The following NOCT variants were observed in gnomAD, a reference collection of about 807,000 sequenced individuals.
NOCT encodes nocturnin.
NOCT carries 18 observed loss-of-function variants against 35.0 expected under a neutral mutation model. That is an observed-to-expected ratio of 0.51 (90% CI 0.36 to 0.76). The LOEUF is 0.76. Among genes scored for constraint, NOCT ranks in the 30% least tolerant of loss-of-function variants. The probability of loss-of-function intolerance (pLI) is 0.01; values close to 1 mark genes in which losing one functional copy is unlikely to be tolerated. For missense variants in NOCT, 479 were observed against 541.0 expected, an observed-to-expected ratio of 0.89 and a Z score of 1.14; for synonymous variants, 235 against 226.3, an observed-to-expected ratio of 1.04 and a Z score of -0.34.
rs1017077705 is a variant in NOCT at position 139,033,523 on chromosome 4, T to C, written c.191-9551T>C. 2.0e-5 allele frequency among the ~76,000 whole-genome samples: 3 copies of C among 151,810 alleles called. No individual in the cohort carries two copies. In the East Asian group the frequency reaches 5.8e-4, roughly 30 times the overall value. On this transcript the variant is annotated intron_variant, in intron 1 of 2. Coordinates refer to ENST00000280614, the MANE Select transcript of NOCT (RefSeq NM_012118.4). The stretch of plus-strand genomic sequence containing the variant: ...CTGTCTCTACAAAAAAAAAATTCTT[T>C]TAATTAGCCAGGGTGGTGGCATATT...
intron 1 of NOCT, among the ~76,000 whole-genome samples, chr4:139,036,644 G>A (rs1726743517): frequency 6.6e-6 from 1 of 152,128 alleles, no homozygotes; most frequent in Non-Finnish European, 1.5e-5. Context: ...GAATTCATGA[G>A]TATTAATCTT....
intron 1 of NOCT, among the ~76,000 whole-genome samples, chr4:139,019,332 G>T (rs571677996): frequency 4.3e-4 from 65 of 152,328 alleles, no homozygotes; most frequent in African/African-American, 1.6e-3. Context: ...GGGATTACAG[G>T]TGTGAGCCAC....
chr4:139,019,031 T>C (rs1726364058), intron 1 of NOCT, among the ~76,000 whole-genome samples: 1 of 152,194 alleles, frequency 6.6e-6, no homozygotes, highest in South Asian at 2.1e-4. Flanking sequence ...GACCCAGCAC[T>C]AAGTGCTTTT....
intron 1 of NOCT, among the ~76,000 whole-genome samples, chr4:139,016,933 G>A (rs11939912): frequency 0.29 from 43,259 of 149,216 alleles, 6,405 homozygotes; most frequent in Middle Eastern, 0.38. Flanking sequence ...GATCACAGGC[G>A]TGAGCCACCG....
intron 1 of NOCT, among the ~76,000 whole-genome samples, chr4:139,027,901 A>G (rs1726553637): frequency 6.6e-6 from 1 of 152,140 alleles, no homozygotes; most frequent in Non-Finnish European, 1.5e-5. Flanking sequence ...AAAATATAAA[A>G]GCCTTTCTTA....
intron 1 of NOCT, among the ~76,000 whole-genome samples, chr4:139,025,753 G>A (rs1219342231): frequency 2.0e-5 from 3 of 150,716 alleles, no homozygotes; most frequent in Non-Finnish European, 2.9e-5. Flanking sequence ...TCAGTGAGCC[G>A]AGATGGCGCC....
intron 1 of NOCT, chr4:139,028,093 G>C (rs1464817096): frequency 6.6e-6 from 1 of 152,182 alleles, no homozygotes; most frequent in Non-Finnish European, 1.5e-5. Flanking sequence ...AGTGATGGGA[G>C]ATCACCAGAT....
At position 139,016,016 on chromosome 4, in the gene NOCT, T is replaced by C. The variant is rs1468506111; in HGVS notation, c.35T>C (p.Leu12Pro). The C allele has an allele frequency of 3.6e-6, 5 of 1,397,412 alleles. No individual in the cohort carries two copies. The highest frequency in any genetic ancestry group is 4.6e-6 in the Non-Finnish European group (5 of 1,077,146). The allele number at this position is 1,397,412 out of a possible 1,614,324, so 86.6% of individuals were successfully genotyped here. A position where few individuals can be genotyped will look rare whatever the true frequency, so the allele number is the denominator to read the frequency against. ...FHSPRRLCSA[L>P]LQRDAPGLRR... The stretch of plus-strand genomic sequence containing the variant: ...AGTCCGCGGCGGCTCTGCTCGGCCC[T>C]GCTGCAGAGGGACGCGCCCGGCCTG... Residue 12 changes from leucine (L) to proline (P), a missense_variant, in exon 1 of 3, where the codon CTG becomes CCG. Leu to Pro is a moderately conservative substitution (Grantham distance 98). Transcript: ENST00000280614.
At chr4:139,031,710 G>GGTTTT (rs1040670434) in intron 1 of NOCT, among the ~76,000 whole-genome samples, 4 of 151,870 alleles carry the variant, frequency 2.6e-5, no homozygotes, top group African/African-American at 4.8e-5. Context: ...CCCACTTGTG[G>GGTTTT]GTTTTGTTTT....
intron 1 of NOCT, among the ~76,000 whole-genome samples, chr4:139,034,947 A>G (rs1578630609): frequency 6.6e-6 from 1 of 151,950 alleles, no homozygotes; most frequent in Admixed American, 6.6e-5. Context: ...CTTTCTCTCT[A>G]ACTCAATTCA....
At chr4:139,037,071 G>C (rs553838365) in intron 1 of NOCT, among the ~76,000 whole-genome samples, 9 of 152,202 alleles carry the variant, frequency 5.9e-5, no homozygotes, top group Non-Finnish European at 1.2e-4. Context: ...GTATTAGAGG[G>C]CTTGTCCTAT....
chr4:139,028,740 G>A (rs1726571474), intron 1 of NOCT, among the ~76,000 whole-genome samples: 1 of 152,314 alleles, frequency 6.6e-6, no homozygotes, highest in Non-Finnish European at 1.5e-5. Flanking sequence ...AGAGAAAGCT[G>A]TGCAGATACC....
chr4:139,037,796 G>A (rs1278999184), intron 1 of NOCT, among the ~76,000 whole-genome samples: 2 of 152,136 alleles, frequency 1.3e-5, no homozygotes, highest in African/African-American at 2.4e-5. Context: ...GCTGAGGTGG[G>A]AGGATGGCTT....
intron 1 of NOCT, among the ~76,000 whole-genome samples, chr4:139,023,814 A>T (rs139923740): frequency 6.6e-6 from 1 of 152,122 alleles, no homozygotes; most frequent in Non-Finnish European, 1.5e-5. Flanking sequence ...TTTAAAGACC[A>T]TTGTGAGTAT....
At chr4:139,016,391 G>A (rs1031448992) in intron 1 of NOCT, among the ~76,000 whole-genome samples, 7 of 152,116 alleles carry the variant, frequency 4.6e-5, no homozygotes, top group African/African-American at 1.7e-4. Flanking sequence ...AGAACTGGGA[G>A]ACTGTATTCA....
At chr4:139,025,281 T>A (rs1033680159) in intron 1 of NOCT, among the ~76,000 whole-genome samples, 13 of 152,176 alleles carry the variant, frequency 8.5e-5, no homozygotes, top group Non-Finnish European at 8.8e-5. Flanking sequence ...CGAATTGCCC[T>A]AACAGTTACC....
Position 139,015,975 on chromosome 4 carries a change from GC to G in NOCT, c.-4del. 1 of 1,351,088 alleles carries G rather than the reference GC, an allele frequency of 7.4e-7. No individual in the cohort carries two copies. Among genetic ancestry groups the G allele is most frequent in the Non-Finnish European group, 9.5e-7 (1 of 1,055,656 alleles). 83.7% of individuals were successfully genotyped at this position (1,351,088 alleles called of 1,614,324 possible). A position where few individuals can be genotyped will look rare whatever the true frequency, so the allele number is the denominator to read the frequency against. On this transcript the variant is annotated 5_prime_UTR_variant, in exon 1 of 3. Coordinates refer to ENST00000280614, the MANE Select transcript of NOCT (RefSeq NM_012118.4). ...CGCGAGGGGCCGTGGTGGCGGCGGCGCCCGGCATGTTTCATAGTCCGCGGCG... is the reference window on the plus strand; with the variant it reads ...CGCGAGGGGCCGTGGTGGCGGCGGCGCCGGCATGTTTCATAGTCCGCGGCG...
chr4:139,045,341 T>TCAAAATC lies in NOCT; in HGVS notation c.1163_1164insCAAAATC (p.Arg389LysfsTer11). On this transcript the variant is annotated frameshift_variant, in exon 3 of 3. Transcript: ENST00000280614. LOFTEE classifies it high-confidence loss of function. ...TGGTATTCTAAACATGCTCTAAATG[T>TCAAAATC]AAGGTCAGCTCTCGATCTGCTCACT... 1 of 1,613,970 alleles carries TCAAAATC rather than the reference T, an allele frequency of 6.2e-7. No homozygotes were observed. Among genetic ancestry groups the TCAAAATC allele is most frequent in the Non-Finnish European group, 8.5e-7 (1 of 1,179,996 alleles).
rs549581544 is a variant in NOCT at position 139,028,623 on chromosome 4, G to C, written c.190+12452G>C. ...TGGGGCTAGGCAGGACAGCTGCATCGCTGTTGCCCTGAGGCAGTATCAGCA... is the reference window on the plus strand; with the variant it reads ...TGGGGCTAGGCAGGACAGCTGCATCCCTGTTGCCCTGAGGCAGTATCAGCA... On this transcript the variant is annotated intron_variant, in intron 1 of 2. Transcript: ENST00000280614. Among the ~76,000 whole-genome samples the C allele has an allele frequency of 5.3e-5, 8 of 152,336 alleles. No homozygotes were observed. In the East Asian group the frequency reaches 1.4e-3, roughly 26 times the overall value.
Sources: gnomAD v4.1 joint callset for allele counts (sites outside exome capture counted in the v4.1 genomes callset) on GRCh38, gnomAD v4.1.1 for gene constraint, MANE v1.5 for transcripts, NCBI Gene and HGNC (gene_info 2026-07-23, HGNC 2026-07-21) for gene names.